KLHL12: variants seen among roughly 807,000 people sequenced by gnomAD.
KLHL12 encodes kelch-like protein 12.
In KLHL12, 17 loss-of-function variants were observed where a neutral mutation model predicts 60.8. That is an observed-to-expected ratio of 0.28 (90% confidence interval 0.19 to 0.42). The LOEUF is 0.42. Ranked by LOEUF, KLHL12 falls within the 10% of genes least tolerant of loss-of-function variation. The pLI is 1.00. For synonymous variants in KLHL12, 220 were observed against 250.9 expected, an observed-to-expected ratio of 0.88 and a Z score of 1.16; for missense variants, 468 against 722.3, an observed-to-expected ratio of 0.65 and a Z score of 4.04.
intron 4 of KLHL12, among the ~76,000 whole-genome samples, chr1:202,917,915 CT>C (rs551875969): frequency 5.6e-4 from 86 of 152,322 alleles, no homozygotes; most frequent in Middle Eastern, 6.8e-3. Flanking sequence ...ACCTACTTTA[CT>C]TCCAATTTCT....
upstream of KLHL12, chr1:202,927,394 T>C: frequency 4.0e-6 from 2 of 498,290 alleles, no homozygotes; most frequent in Non-Finnish European, 5.2e-6. Flanking sequence ...TACAAAAAGG[T>C]CGGGTGGGCA....
chr1:202,912,496 C>T lies in KLHL12; in HGVS notation c.568-1293G>A, dbSNP rs551651531. The stretch of plus-strand genomic sequence containing the variant: ...GTGGATATGGTGGCAGTGAGGATGG[C>T]GATAATGGATTTGGTAATGATGGAA... On this transcript the variant is annotated intron_variant, in intron 4 of 11. Transcript: ENST00000367261. 1.5e-4 allele frequency: 146 copies of T among 948,236 alleles called. 1 individual carries two copies. The highest frequency in any genetic ancestry group is 3.1e-4 in the Middle Eastern group (1 of 3,188). 58.7% of individuals were successfully genotyped at this position (948,236 alleles called of 1,614,324 possible). A position where few individuals can be genotyped will look rare whatever the true frequency, so the allele number is the denominator to read the frequency against.
intron 4 of KLHL12, chr1:202,911,881 G>C (rs527440505): frequency 7.7e-5 from 66 of 855,004 alleles, no homozygotes; most frequent in Non-Finnish European, 1.3e-4. Flanking sequence ...GTTGAGCTTT[G>C]AAATAACCAA....
rs1467853388 is a variant in KLHL12 at position 202,927,196 on chromosome 1, G to C, written c.-153C>G. On this transcript the variant is annotated 5_prime_UTR_variant, in exon 1 of 12. Coordinates refer to ENST00000367261, the MANE Select transcript of KLHL12 (RefSeq NM_021633.4). The stretch of plus-strand genomic sequence containing the variant: ...TCGGGAGGAGCCGAAGCGCCGCCCA[G>C]ACCCGGAGGCTCTGGAGGCTCTGGA... 6.1e-6 allele frequency: 6 copies of C among 985,226 alleles called. No homozygotes were observed. Among genetic ancestry groups the C allele is most frequent in the Non-Finnish European group, 7.2e-6 (6 of 829,892 alleles). The allele number at this position is 985,226 out of a possible 1,614,324, so 61.0% of individuals were successfully genotyped here. A position where few individuals can be genotyped will look rare whatever the true frequency, so the allele number is the denominator to read the frequency against.
At chr1:202,928,225 A>C (rs978935823), upstream of KLHL12, among the ~76,000 whole-genome samples, 1 of 148,720 alleles carries the variant, frequency 6.7e-6, no homozygotes, top group African/African-American at 2.5e-5. Flanking sequence ...CAGTGAGCTG[A>C]GATCGCGCCA....
chr1:202,916,587 T>C (rs1363685148), intron 4 of KLHL12, among the ~76,000 whole-genome samples: 1 of 152,172 alleles, frequency 6.6e-6, no homozygotes, highest in Non-Finnish European at 1.5e-5. Flanking sequence ...AAGGTTACAG[T>C]GAGCTGAGAT....
intron 6 of KLHL12, among the ~76,000 whole-genome samples, chr1:202,907,912 A>T (rs1419997479): frequency 6.6e-6 from 1 of 150,808 alleles, no homozygotes; most frequent in Non-Finnish European, 1.5e-5. Flanking sequence ...CATTTCTATT[A>T]AAAAAAATAA....
In KLHL12 at chr1:202,911,137, C is replaced by T; in HGVS notation, c.634G>A (p.Glu212Lys). ...TGTAGCAGGTTAGGCAAGGATTCTT[C>T]CCGCTCTTTCTTGGCATGCTTCACC... ...NWVKHAKKER[E>K]ESLPNLLQYV... Residue 212 changes from glutamate to lysine, a missense_variant, in exon 5 of 12, where the codon GAA (glutamate) becomes AAA (lysine). This residue lies in a region of KLHL12 where 339 missense variants were observed against 525.0 expected (regional missense o/e 0.65). Transcript: ENST00000367261. The T allele has an allele frequency of 6.2e-7, 1 of 1,614,104 alleles. No homozygotes were observed. Among genetic ancestry groups the T allele is most frequent in the East Asian group, 2.2e-5 (1 of 44,884 alleles).
At chr1:202,924,817 G>C (rs1298509288) in intron 2 of KLHL12, 151 bp downstream of exon 2, 2 of 791,198 alleles carry the variant, frequency 2.5e-6, no homozygotes, top group Non-Finnish European at 4.0e-6. Context: ...CTAAGGCATA[G>C]TCATCTAAGT....
At chr1:202,902,256 C>G (rs1243393989) in intron 6 of KLHL12, among the ~76,000 whole-genome samples, 7 of 151,958 alleles carry the variant, frequency 4.6e-5, no homozygotes, top group Non-Finnish European at 7.4e-5. Flanking sequence ...ATGGTGAAAC[C>G]CCATCTCTAG....
chr1:202,927,560 G>C (rs1468014164), upstream of KLHL12, among the ~76,000 whole-genome samples: 2 of 135,448 alleles, frequency 1.5e-5, no homozygotes, highest in Admixed American at 1.6e-4. Context: ...CACCGCGCCT[G>C]TAGTCCCAGC....
At chr1:202,928,144 G>C (rs1283152616), upstream of KLHL12, among the ~76,000 whole-genome samples, 1 of 150,696 alleles carries the variant, frequency 6.6e-6, no homozygotes, top group Non-Finnish European at 1.5e-5. Context: ...GCGTAGTGGC[G>C]GGCGCCAGTA....
chr1:202,911,861 T>C, intron 4 of KLHL12: 1 of 833,984 alleles, frequency 1.2e-6, no homozygotes. Flanking sequence ...AGGAAGCTCT[T>C]CATTGGAGGG....
At chr1:202,894,397 C>A in intron 9 of KLHL12, 115 bp from the exon 10 acceptor site, 1 of 898,116 alleles carries the variant, frequency 1.1e-6, no homozygotes, top group Non-Finnish European at 1.8e-6. Flanking sequence ...CACAAGAGTT[C>A]CAATAACTCT....
At chr1:202,910,947 CA>C in intron 5 of KLHL12, 106 bp downstream of exon 5, 2 of 1,294,806 alleles carry the variant, frequency 1.5e-6, no homozygotes, top group South Asian at 2.8e-5. Flanking sequence ...CCTAGAGAGG[CA>C]AAACAGGAGA....
In KLHL12 at chr1:202,895,494, A is replaced by C; in HGVS notation, c.1135+28T>G. The C allele has an allele frequency of 6.3e-7, 1 of 1,597,586 alleles. No homozygotes were observed. The highest frequency in any genetic ancestry group is 1.1e-5 in the South Asian group (1 of 89,286). ...CCCTGGTCCAGCCACAGTAAGATGG[A>C]AATAATTGCCCTGCACATCCAGCCT... On this transcript the variant is annotated intron_variant, in intron 8 of 11. Coordinates refer to ENST00000367261, the MANE Select transcript of KLHL12 (RefSeq NM_021633.4). The surrounding 1 kb of genome is among the most constrained non-coding windows in gnomAD (Gnocchi z 4.2).
chr1:202,928,568 C>G (rs929757720), upstream of KLHL12: 4 of 1,298,148 alleles, frequency 3.1e-6, no homozygotes, highest in African/African-American at 6.1e-5. Flanking sequence ...ATGGCCTTTT[C>G]GGGCCGAACA....
rs1193651919 is a variant in KLHL12, at chr1:202,912,355, T to C, written c.568-1152A>G. 13 of 794,528 alleles carry C rather than the reference T, an allele frequency of 1.6e-5. No individual in the cohort carries two copies. In the East Asian group the frequency reaches 3.2e-4, roughly 19 times the overall value. 49.2% of individuals were successfully genotyped at this position (794,528 alleles called of 1,614,324 possible). On this transcript the variant is annotated intron_variant, in intron 4 of 11. Transcript: ENST00000367261. Reference sequence around the variant, plus strand: ...CATAACTGTGAAGTTAGGAAAGCCCTGTCAAAGTAAGAGATGGCTAGTGCT... The same window carrying C: ...CATAACTGTGAAGTTAGGAAAGCCCCGTCAAAGTAAGAGATGGCTAGTGCT...
intron 6 of KLHL12, among the ~76,000 whole-genome samples, chr1:202,903,459 T>TG (rs1482932624): frequency 1.9e-3 from 88 of 46,988 alleles, no homozygotes; most frequent in African/African-American, 3.9e-3. Flanking sequence ...CATGCATTCT[T>TG]GTTTTTTTTT....
Sources: gnomAD v4.1 joint callset for allele counts (sites outside exome capture counted in the v4.1 genomes callset) on GRCh38, gnomAD v4.1.1 for gene constraint, gnomAD v4.1.1 regional missense constraint, Gnocchi (gnomAD v3.1) non-coding constraint, MANE v1.5 for transcripts, NCBI Gene and HGNC (gene_info 2026-07-23, HGNC 2026-07-21) for gene names.